The following P2RX4 variants were observed in gnomAD, a reference collection of about 807,000 sequenced individuals.
The protein encoded by P2RX4 is P2X purinoceptor 4.
P2RX4 carries 37 observed loss-of-function variants against 48.0 expected under a neutral mutation model. That is an observed-to-expected ratio of 0.77 (90% CI 0.59 to 1.01). The LOEUF is 1.01. P2RX4 is among the 50% of genes least tolerant of loss of function. P2RX4 has a pLI of 0.00. For synonymous variants in P2RX4, 200 were observed against 199.7 expected (o/e 1.00, Z -0.01); for missense variants, 501 against 521.4 (o/e 0.96, Z 0.38).
intron 5 of P2RX4, among the ~76,000 whole-genome samples, chr12:121,225,633 G>A (rs990132603): frequency 1.3e-5 from 2 of 151,938 alleles, no homozygotes; most frequent in Non-Finnish European, 2.9e-5. Context: ...GGATGGTCTC[G>A]ATCTCCTGAC....
Position 121,229,173 on chromosome 12 carries a change from C to A in P2RX4, c.884+74C>A. 6.4e-7 allele frequency: 1 copy of A among 1,561,950 alleles called. No homozygotes were observed. ...GCTGCGTACGTGCCAGTGGGCCGCC[C>A]ACTGAAGACCAGCACTCAGGCAGCA... is the stretch of plus-strand genomic sequence containing the variant. On this transcript the variant is annotated intron_variant, in intron 8 of 11. Coordinates refer to ENST00000337233, the MANE Select transcript of P2RX4 (RefSeq NM_002560.3). This position sits in a 1 kb window ranked among gnomAD's most constrained non-coding sequence, Gnocchi z 4.6.
chr12:121,230,551 G>A (rs1887276207), intron 8 of P2RX4, among the ~76,000 whole-genome samples: 1 of 152,240 alleles, frequency 6.6e-6, no homozygotes, highest in East Asian at 1.9e-4. Flanking sequence ...CTGGCTCACT[G>A]AGTAAAGCAG....
At position 121,233,723 on chromosome 12, in the gene P2RX4, GC is replaced by G; in HGVS notation, c.*177del. 5.5e-6 allele frequency: 8 copies of G among 1,446,412 alleles called. No individual in the cohort carries two copies. Among genetic ancestry groups the G allele is most frequent in the Non-Finnish European group, 7.4e-6 (8 of 1,085,518 alleles). The allele number at this position is 1,446,412 out of a possible 1,614,324, so 89.6% of individuals were successfully genotyped here. A position where few individuals can be genotyped will look rare whatever the true frequency, so the allele number is the denominator to read the frequency against. On this transcript the variant is annotated 3_prime_UTR_variant, in exon 12 of 12. Transcript: ENST00000337233. ...TGTGTGTTGTGTGCAGGATCTGTTT[GC>G]CCACTCGGCCCAGGAGGTCAGCAGT...
intron 2 of P2RX4, among the ~76,000 whole-genome samples, chr12:121,218,912 C>T (rs1465777363): frequency 1.3e-5 from 2 of 152,146 alleles, no homozygotes; most frequent in Admixed American, 6.6e-5. Context: ...GTAATCTCAA[C>T]ACTTTTGGAG....
chr12:121,224,627 A>G (rs974812920), intron 5 of P2RX4, among the ~76,000 whole-genome samples: 3 of 152,064 alleles, frequency 2.0e-5, no homozygotes, highest in Non-Finnish European at 2.9e-5. Context: ...AAAAAAATAA[A>G]TAAATAAAAA....
intron 5 of P2RX4, among the ~76,000 whole-genome samples, chr12:121,226,942 A>G (rs945741043): frequency 2.6e-5 from 4 of 151,480 alleles, no homozygotes; most frequent in Non-Finnish European, 5.9e-5. Flanking sequence ...GTGAAACCCC[A>G]TCTCTACTAA....
At chr12:121,228,435 C>T in intron 5 of P2RX4, 98 bp from the exon 6 acceptor site, 1 of 565,070 alleles carries the variant, frequency 1.8e-6, no homozygotes, top group South Asian at 2.2e-5. Context: ...CACACACACA[C>T]AATACATATA....
At chr12:121,227,972 A>G (rs1887077391) in intron 5 of P2RX4, among the ~76,000 whole-genome samples, 1 of 151,240 alleles carries the variant, frequency 6.6e-6, no homozygotes, top group Admixed American at 6.6e-5. Flanking sequence ...ATGCATGCCT[A>G]TAGTTCCAGC....
At chr12:121,214,748 G>C (rs1234206114) in intron 1 of P2RX4, 1 of 152,170 alleles carries the variant, frequency 6.6e-6, no homozygotes, top group Non-Finnish European at 1.5e-5. Context: ...GAGACTGCTC[G>C]ATCACACACA....
Position 121,228,956 on chromosome 12 carries a change from T to A in P2RX4, c.748-7T>A. ...AGCCTTGCCGTGTCTCTGCTGCTCA[T>A]CCCCAGGGAGGCATCATGGGCATCC... On this transcript the variant is annotated splice_polypyrimidine_tract_variant and splice_region_variant and intron_variant, in intron 7 of 11. Transcript: ENST00000337233. The A allele has an allele frequency of 6.2e-7, 1 of 1,614,014 alleles. No individual in the cohort carries two copies. The highest frequency in any genetic ancestry group is 8.5e-7 in the Non-Finnish European group (1 of 1,179,996).
At chr12:121,222,405 T>TG (rs201509048) in intron 4 of P2RX4, 31 of 551,456 alleles carry the variant, frequency 5.6e-5, no homozygotes, top group Middle Eastern at 4.8e-4. Flanking sequence ...CTTGTTTTTT[T>TG]TTTTGTTTTG....
intron 2 of P2RX4, among the ~76,000 whole-genome samples, chr12:121,219,988 C>A (rs1053192801): frequency 2.6e-5 from 4 of 152,174 alleles, no homozygotes; most frequent in African/African-American, 7.2e-5. Flanking sequence ...ATCAGCAATT[C>A]TTCAGTCTCA....
At chr12:121,223,857 G>A (rs958445943) in intron 5 of P2RX4, among the ~76,000 whole-genome samples, 4 of 152,104 alleles carry the variant, frequency 2.6e-5, no homozygotes, top group Admixed American at 1.3e-4. Flanking sequence ...CCTCCTGGGC[G>A]ACAGAGGCCA....
At chr12:121,217,417 C>T (rs902689495) in intron 2 of P2RX4, 136 bp downstream of exon 2, 34 of 894,640 alleles carry the variant, frequency 3.8e-5, no homozygotes, top group Admixed American at 1.2e-4. Context: ...TCCAAGAAAA[C>T]GGTGCAGCCA....
In P2RX4 at chr12:121,222,943, G is replaced by A; in HGVS notation, c.428-4G>A. ...GGACCCCCCTGCCACCCTTGTGCTT[G>A]TAGGAGTCTCAACAGGCAGGTGCGT... On this transcript the variant is annotated splice_polypyrimidine_tract_variant and splice_region_variant and intron_variant, in intron 4 of 11. Coordinates refer to ENST00000337233, the MANE Select transcript of P2RX4 (RefSeq NM_002560.3). 10 of 1,607,480 alleles carry A rather than the reference G, an allele frequency of 6.2e-6. No homozygotes were observed. The highest frequency in any genetic ancestry group is 8.5e-6 in the Non-Finnish European group (10 of 1,174,154).
At position 121,232,411 on chromosome 12, in the gene P2RX4, C is replaced by T; in HGVS notation, c.885-3C>T. The T allele has an allele frequency of 6.2e-7, 1 of 1,609,996 alleles. No individual in the cohort carries two copies. The highest frequency in any genetic ancestry group is 2.2e-5 in the East Asian group (1 of 44,860). On this transcript the variant is annotated splice_polypyrimidine_tract_variant and splice_region_variant and intron_variant, in intron 8 of 11. Coordinates refer to ENST00000337233, the MANE Select transcript of P2RX4 (RefSeq NM_002560.3). This position sits in a 1 kb window ranked among gnomAD's most constrained non-coding sequence, Gnocchi z 4.3. ...CCCCCTGATCCATCCTCCTTCCCCT[C>T]AGGTTTGCCAAGTACTACAGAGACC...
Position 121,232,639 on chromosome 12 carries a change from T to C in P2RX4, c.1007T>C (p.Met336Thr), listed in dbSNP as rs1887445092. ...KAGKFDIIPT[M>T]INIGSGLALL... is the part of the protein sequence containing the mutation. The stretch of plus-strand genomic sequence containing the variant: ...GGGAAATTTGACATCATCCCCACTA[T>C]GATCAACATCGGCTCTGGCCTGGCA... The change falls in exon 10 of 12, where the codon ATG (methionine) becomes ACG (threonine). Residue 336 changes from methionine (M) to threonine (T), a missense_variant. This residue lies in a region of P2RX4 where 197 missense variants were observed against 219.5 expected (regional missense o/e 0.90). Transcript: ENST00000337233. The surrounding 1 kb of genome is among the most constrained non-coding windows in gnomAD (Gnocchi z 4.3). 2.5e-6 allele frequency: 4 copies of C among 1,613,982 alleles called. No individual in the cohort carries two copies. In the African/African-American group the frequency reaches 4.0e-5, roughly 16 times the overall value.
chr12:121,226,151 C>T (rs1287363299), intron 5 of P2RX4, among the ~76,000 whole-genome samples: 3 of 152,032 alleles, frequency 2.0e-5, no homozygotes, highest in Non-Finnish European at 4.4e-5. Flanking sequence ...GGGATTACAG[C>T]GTGAGCCACC....
chr12:121,222,160 AGCAACGGTACGAGCTTGTGGCC>A lies in P2RX4; in HGVS notation c.422_427+16del. 1 of 1,610,618 alleles carries A rather than the reference AGCAACGGTACGAGCTTGTGGCC, an allele frequency of 6.2e-7. No individual in the cohort carries two copies. The highest frequency in any genetic ancestry group is 1.1e-5 in the South Asian group (1 of 90,972). Reference sequence around the variant, plus strand: ...TACTGCCGGCTCTGCCGGCACCCACAGCAACGGTACGAGCTTGTGGCCTCCTGGGGAGGGCGGCCCCTGAGCA... The same window carrying A: ...TACTGCCGGCTCTGCCGGCACCCACATCCTGGGGAGGGCGGCCCCTGAGCA... On this transcript the variant is annotated splice_donor_variant and splice_donor_5th_base_variant and coding_sequence_variant and intron_variant, in exon 4 of 12. Transcript: ENST00000337233. LOFTEE classifies it high-confidence loss of function.
Sources: gnomAD v4.1 joint callset for allele counts (sites outside exome capture counted in the v4.1 genomes callset) on GRCh38, gnomAD v4.1.1 for gene constraint, gnomAD v4.1.1 regional missense constraint, Gnocchi (gnomAD v3.1) non-coding constraint, MANE v1.5 for transcripts, NCBI Gene and HGNC (gene_info 2026-07-23, HGNC 2026-07-21) for gene names.